Variants in CNTN4 observed in about 807,000 individuals in gnomAD.
CNTN4 encodes contactin 4, also known as contactin-4.
In CNTN4, 77 loss-of-function variants were observed where a neutral mutation model predicts 122.5. The observed-to-expected ratio is 0.63, with a 90% CI of 0.52 to 0.76. The LOEUF is 0.76. Among genes scored for constraint, CNTN4 ranks in the 30% least tolerant of loss-of-function variants. The pLI is 0.00. For missense variants in CNTN4, 1,256 were observed against 1,259.1 expected (o/e 1.00, Z 0.04); for synonymous variants, 512 against 447.0 (o/e 1.15, Z -1.83).
chr3:2,957,126 A>C (rs952391139), intron 13 of CNTN4, among the ~76,000 whole-genome samples: 1 of 152,162 alleles, frequency 6.6e-6, no homozygotes, highest in Non-Finnish European at 1.5e-5. Context: ...TCAACATACT[A>C]ATTTCATTTT....
chr3:3,025,752 G>A (rs941311400), intron 14 of CNTN4, among the ~76,000 whole-genome samples: 1 of 152,130 alleles, frequency 6.6e-6, no homozygotes, highest in Non-Finnish European at 1.5e-5. Flanking sequence ...TAGCTTTCTA[G>A]TGAAACTGGA....
chr3:2,839,683 A>C lies in CNTN4; in HGVS notation c.454+20102A>C, dbSNP rs191015447. ...GACCCTGAGGAAGTAAAGAGTACAC[A>C]TCTCATCAATAAGGGGCAGGGCATT... On this transcript the variant is annotated intron_variant, in intron 7 of 24. Transcript: ENST00000418658. 6.9e-3 allele frequency among the ~76,000 whole-genome samples: 1,055 copies of C among 152,294 alleles called. 6 individuals are homozygous for C. Among genetic ancestry groups the C allele is most frequent in the East Asian group, 0.022 (112 of 5,172 alleles).
rs537472787 is a variant in CNTN4 at position 2,719,508 on chromosome 3, G to C, written c.56-16707G>C. On this transcript the variant is annotated intron_variant, in intron 4 of 24. Coordinates refer to ENST00000418658, the MANE Select transcript of CNTN4 (RefSeq NM_175607.3). ...TCACCATGTTGGTCAGGCTGATCTCGAATTTCTGACCTCAGGTGATCCACC... is the reference window on the plus strand; with the variant it reads ...TCACCATGTTGGTCAGGCTGATCTCCAATTTCTGACCTCAGGTGATCCACC... Among the ~76,000 whole-genome samples, 17 of 152,138 alleles carry C rather than the reference G, an allele frequency of 1.1e-4. No homozygotes were observed. The East Asian group carries it at 3.1e-3, about 28-fold the overall frequency.
chr3:2,555,230 C>G (rs1190405382), intron 3 of CNTN4, among the ~76,000 whole-genome samples: 1 of 152,190 alleles, frequency 6.6e-6, no homozygotes, highest in Non-Finnish European at 1.5e-5. Context: ...AGGAAAAATA[C>G]TAACCTTCTT....
intron 2 of CNTN4, among the ~76,000 whole-genome samples, chr3:2,271,826 C>T (rs1235775155): frequency 6.6e-6 from 1 of 152,080 alleles, no homozygotes; most frequent in African/African-American, 2.4e-5. Context: ...ATTTATTCAT[C>T]AATAAACACC....
intron 3 of CNTN4, among the ~76,000 whole-genome samples, chr3:2,475,164 A>C (rs1033293270): frequency 2.0e-5 from 3 of 152,198 alleles, no homozygotes; most frequent in Non-Finnish European, 2.9e-5. Flanking sequence ...CAGGTACGAA[A>C]TGGACAAAAA....
chr3:2,842,984 C>T (rs2093390390), intron 7 of CNTN4, among the ~76,000 whole-genome samples: 1 of 152,118 alleles, frequency 6.6e-6, no homozygotes, highest in African/African-American at 2.4e-5. Context: ...TCATCCAGTC[C>T]AATGGCTTCA....
At chr3:2,882,692 C>T (rs2093926628) in intron 8 of CNTN4, 1 of 164,980 alleles carries the variant, frequency 6.1e-6, no homozygotes, top group South Asian at 1.5e-4. Flanking sequence ...AAAGTTGTGG[C>T]CACAGAATGA....
chr3:2,661,713 G>A (rs572336880), intron 4 of CNTN4, among the ~76,000 whole-genome samples: 2 of 150,208 alleles, frequency 1.3e-5, no homozygotes, highest in African/African-American at 4.9e-5. Context: ...TCAGGAGGCT[G>A]AGGCAGGAGA....
chr3:2,671,477 A>G (rs2084509363), intron 4 of CNTN4, among the ~76,000 whole-genome samples: 1 of 152,010 alleles, frequency 6.6e-6, no homozygotes, highest in Non-Finnish European at 1.5e-5. Context: ...TGGTTATTCT[A>G]GTTAGCCATT....
At position 2,934,253 on chromosome 3, in the gene CNTN4, G is replaced by A. The variant is rs1344004111; in HGVS notation, c.1358+8474G>A. ...ACATGTTTAGGTCTGCCTGACCCCTGCAGTGTAATCAGATCAAGTCTAGCA... is the reference window on the plus strand; with the variant it reads ...ACATGTTTAGGTCTGCCTGACCCCTACAGTGTAATCAGATCAAGTCTAGCA... On this transcript the variant is annotated intron_variant, in intron 13 of 24. Transcript: ENST00000418658. Among the ~76,000 whole-genome samples, 8 of 152,318 alleles carry A rather than the reference G, an allele frequency of 5.3e-5. No individual in the cohort carries two copies. The East Asian group carries it at 1.5e-3, about 29-fold the overall frequency.
In CNTN4 at chr3:3,008,941, C is replaced by T. The variant is rs547722188; in HGVS notation, c.1487-17161C>T. On this transcript the variant is annotated intron_variant, in intron 14 of 24. Transcript: ENST00000418658. ...AAGCTGTGAGATTCCAAAAGAAGGG[C>T]GCCAAACCTTGGGCTGCACGGCTTC... 24 of 985,222 alleles carry T rather than the reference C, an allele frequency of 2.4e-5. No homozygotes were observed. The East Asian group carries it at 3.4e-4, about 14-fold the overall frequency. The allele number at this position is 985,222 out of a possible 1,614,324, so 61.0% of individuals were successfully genotyped here. A position where few individuals can be genotyped will look rare whatever the true frequency, so the allele number is the denominator to read the frequency against.
Position 2,745,703 on chromosome 3 carries a change from T to C in CNTN4, c.358+6T>C. 6.2e-7 allele frequency: 1 copy of C among 1,613,456 alleles called. No individual in the cohort carries two copies. The highest frequency in any genetic ancestry group is 8.5e-7 in the Non-Finnish European group (1 of 1,179,366). On this transcript the variant is annotated splice_donor_region_variant and intron_variant, in intron 6 of 24. Coordinates refer to ENST00000418658, the MANE Select transcript of CNTN4 (RefSeq NM_175607.3). ...AGCAAAGCTTCAGTTTGCTTGTAAG[T>C]AGCAATTATACAATGCTGCAAATGT... is the stretch of plus-strand genomic sequence containing the variant.
chr3:2,681,467 T>A (rs2600284), intron 4 of CNTN4, among the ~76,000 whole-genome samples: 11,389 of 152,142 alleles, frequency 0.075, 567 homozygotes, highest in African/African-American at 0.14. Context: ...AGAGGAGGGT[T>A]AAGAGACCCC....
intron 2 of CNTN4, among the ~76,000 whole-genome samples, chr3:2,165,700 C>T (rs947026062): frequency 6.6e-6 from 1 of 152,028 alleles, no homozygotes; most frequent in Non-Finnish European, 1.5e-5. Context: ...TACCCCCACA[C>T]CTGCCCCCTG....
chr3:2,113,677 G>T (rs549413808), intron 2 of CNTN4, among the ~76,000 whole-genome samples: 1 of 151,572 alleles, frequency 6.6e-6, no homozygotes, highest in African/African-American at 2.4e-5. Context: ...GATGATCAGA[G>T]TCTATATAGT....
chr3:2,910,462 C>G (rs1424970239), intron 12 of CNTN4, among the ~76,000 whole-genome samples: 3 of 152,134 alleles, frequency 2.0e-5, no homozygotes, highest in African/African-American at 7.2e-5. Flanking sequence ...TAGAACTTCT[C>G]TCTTAAAAGA....
intron 2 of CNTN4, among the ~76,000 whole-genome samples, chr3:2,140,097 A>C (rs1428652454): frequency 1.3e-5 from 2 of 152,086 alleles, no homozygotes; most frequent in African/African-American, 4.8e-5. Flanking sequence ...GCCATGTAAG[A>C]TGTGCCTTTG....
At chr3:2,599,322 A>C (rs559154984) in intron 4 of CNTN4, among the ~76,000 whole-genome samples, 1 of 152,336 alleles carries the variant, frequency 6.6e-6, no homozygotes, top group East Asian at 1.9e-4. Flanking sequence ...GTAAATGGTG[A>C]AGAAAGAATT....
Sources: allele counts gnomAD v4.1 joint callset (sites outside exome capture counted in the v4.1 genomes callset), GRCh38; gene constraint gnomAD v4.1.1; transcripts MANE v1.5; gene names NCBI Gene and HGNC (gene_info 2026-07-23, HGNC 2026-07-21).